The following MYO18A variants were observed in gnomAD, a reference collection of about 807,000 sequenced individuals.
The protein encoded by MYO18A is myosin XVIIIA.
Under a neutral mutation model 235.8 loss-of-function variants are expected in MYO18A, and 78 were observed. The ratio of observed to expected loss-of-function variants is 0.33; its 90% CI spans 0.28 to 0.40. MYO18A has a LOEUF of 0.40. Among genes scored for constraint, MYO18A ranks in the 10% least tolerant of loss-of-function variants. The pLI, the probability that MYO18A is intolerant of heterozygous loss-of-function variation, is 1.00. For synonymous variants in MYO18A, 977 were observed against 1,077.8 expected (o/e 0.91, Z 1.83); for missense variants, 2,215 against 2,699.3 (o/e 0.82, Z 3.98).
chr17:29,099,552 C>T (rs2066605289), intron 22 of MYO18A, 82 bp downstream of exon 22: 10 of 1,523,518 alleles, frequency 6.6e-6, no homozygotes, highest in Non-Finnish European at 8.8e-6. Flanking sequence ...CCTGCCTCTT[C>T]TCCCCCTTAT....
rs1297428702 is a variant in MYO18A at position 29,093,072 on chromosome 17, C to A, written c.4927-71G>T. On this transcript the variant is annotated intron_variant, in intron 32 of 41. Transcript: ENST00000527372. ...TCCTCCTATCTTCCCCAAGCTCCCT[C>A]CTCACCACGTCCTCATTATCAGTGT... 4 of 1,534,566 alleles carry A rather than the reference C, an allele frequency of 2.6e-6. No individual in the cohort carries two copies. In the African/African-American group the frequency reaches 5.5e-5, roughly 21 times the overall value.
At chr17:29,129,357 GC>G (rs1258008032) in intron 2 of MYO18A, among the ~76,000 whole-genome samples, 4 of 152,186 alleles carry the variant, frequency 2.6e-5, no homozygotes, top group African/African-American at 9.7e-5. Context: ...AGTGTGTATA[GC>G]CCTCAAGCAG....
At chr17:29,083,686 G>A (rs551277954) in intron 40 of MYO18A, among the ~76,000 whole-genome samples, 4 of 152,222 alleles carry the variant, frequency 2.6e-5, no homozygotes, top group South Asian at 4.1e-4. Context: ...CTGATGCCCC[G>A]GGTAAACAGG....
At position 29,129,132 on chromosome 17, in the gene MYO18A, T is replaced by C. The variant is rs898865521; in HGVS notation, c.1000-6879A>G. On this transcript the variant is annotated intron_variant, in intron 2 of 41. Coordinates refer to ENST00000527372, the MANE Select transcript of MYO18A (RefSeq NM_078471.4). Reference sequence around the variant, plus strand: ...AGCCTACCCATCCTGAAGGAAAAAATGATCAGGGAGCTCTTCCTGGCCCCA... The same window carrying C: ...AGCCTACCCATCCTGAAGGAAAAAACGATCAGGGAGCTCTTCCTGGCCCCA... 6 of 1,288,864 alleles carry C rather than the reference T, an allele frequency of 4.7e-6. No individual in the cohort carries two copies. The African/African-American group carries it at 7.6e-5, about 16-fold the overall frequency. 79.8% of individuals were successfully genotyped at this position (1,288,864 alleles called of 1,614,324 possible).
chr17:29,128,905 C>T, intron 2 of MYO18A: 5 of 592,338 alleles, frequency 8.4e-6, no homozygotes, highest in South Asian at 4.8e-5. Context: ...GCAACCAAGT[C>T]CCATTCTAGG....
At chr17:29,081,564 T>A (rs1369987084) in intron 41 of MYO18A, among the ~76,000 whole-genome samples, 5 of 132,296 alleles carry the variant, frequency 3.8e-5, no homozygotes, top group African/African-American at 1.4e-4. Flanking sequence ...GGGTGTGTCC[T>A]GGAGGATCAG....
chr17:29,134,087 TGC>T (rs1307071749), intron 2 of MYO18A: 5 of 237,330 alleles, frequency 2.1e-5, no homozygotes, highest in South Asian at 1.8e-4. Flanking sequence ...GGAAGCTGTG[TGC>T]ATTGTTTTTA....
rs1230641296 is a variant in MYO18A, at chr17:29,093,995, C to G, written c.4806G>C (p.Gln1602His). ...GATACCTTACCTTCTTCTGACACGA[C>G]TGCCGGGCCTCCTCCACCTCCTCAT... The part of the protein sequence containing the change: ...SRDEEVEEAR[Q>H]SCQKKLKQME... The change falls in exon 31 of 42, where the codon CAG becomes CAC. Residue 1602 changes from glutamine (Q) to histidine (H), a missense_variant. Gln to His is a conservative substitution (Grantham distance 24, BLOSUM62 0). Coordinates refer to ENST00000527372, the MANE Select transcript of MYO18A (RefSeq NM_078471.4). 6.2e-7 allele frequency: 1 copy of G among 1,609,550 alleles called. No individual in the cohort carries two copies. The highest frequency in any genetic ancestry group is 8.5e-7 in the Non-Finnish European group (1 of 1,178,102).
At chr17:29,090,460 G>A in intron 36 of MYO18A, 72 bp downstream of exon 36, 1 of 1,379,930 alleles carries the variant, frequency 7.2e-7, no homozygotes, top group Non-Finnish European at 1.0e-6. Flanking sequence ...TCTAAACTGT[G>A]AACTTGGGGG....
intron 21 of MYO18A, 110 bp from the exon 22 acceptor site, chr17:29,099,872 G>A: frequency 7.0e-7 from 1 of 1,432,024 alleles, no homozygotes; most frequent in Non-Finnish European, 9.3e-7. Flanking sequence ...TACAGCCCTT[G>A]GCTTGGGAAG....
intron 1 of MYO18A, among the ~76,000 whole-genome samples, chr17:29,169,205 C>T (rs946925473): frequency 4.6e-5 from 7 of 152,034 alleles, no homozygotes; most frequent in Admixed American, 1.3e-4. Flanking sequence ...TGCCCGCCAC[C>T]ACGCCCAGCT....
chr17:29,179,200 G>A (rs765108236), intron 1 of MYO18A, among the ~76,000 whole-genome samples: 103 of 152,238 alleles, frequency 6.8e-4, no homozygotes, highest in Middle Eastern at 3.4e-3. Flanking sequence ...TGCCCCATTG[G>A]CAAAGTGGTC....
intron 20 of MYO18A, among the ~76,000 whole-genome samples, chr17:29,103,957 T>C (rs942040776): frequency 2.0e-5 from 3 of 152,210 alleles, no homozygotes; most frequent in Admixed American, 2.0e-4. Context: ...TGAGAACTTA[T>C]GATACAAGTG....
Position 29,115,450 on chromosome 17 carries a change from C to T in MYO18A, c.2228-9G>A. On this transcript the variant is annotated splice_polypyrimidine_tract_variant and intron_variant, in intron 12 of 41. Transcript: ENST00000527372. The stretch of plus-strand genomic sequence containing the variant: ...TGCACTCAGTTTCGGGCCTGTGGGG[C>T]AGGGGGAGCAGCGCTATCTCCTTCT... The T allele has an allele frequency of 6.2e-7, 1 of 1,612,228 alleles. No individual in the cohort carries two copies. Among genetic ancestry groups the T allele is most frequent in the Non-Finnish European group, 8.5e-7 (1 of 1,179,330 alleles).
chr17:29,098,814 G>GCC lies in MYO18A; in HGVS notation c.3780+11_3780+12insGG. The GCC allele has an allele frequency of 6.2e-7, 1 of 1,613,794 alleles. No individual in the cohort carries two copies. Among genetic ancestry groups the GCC allele is most frequent in the Non-Finnish European group, 8.5e-7 (1 of 1,179,772 alleles). ...CTACCCAGAGACTTGGCCCTCTCAG[G>GCC]CTGTCACATACGTCTTTGTTCCGGA... On this transcript the variant is annotated intron_variant, in intron 23 of 41. Coordinates refer to ENST00000527372, the MANE Select transcript of MYO18A (RefSeq NM_078471.4).
At chr17:29,084,893 C>T (rs2066214532) in intron 40 of MYO18A, among the ~76,000 whole-genome samples, 1 of 152,192 alleles carries the variant, frequency 6.6e-6, no homozygotes, top group Non-Finnish European at 1.5e-5. Context: ...ATCCGCTGTC[C>T]AGCTCCCACC....
At chr17:29,160,562 C>A (rs1014342346) in intron 2 of MYO18A, among the ~76,000 whole-genome samples, 1 of 152,212 alleles carries the variant, frequency 6.6e-6, no homozygotes, top group Non-Finnish European at 1.5e-5. Flanking sequence ...GTCCTTAGGT[C>A]AACTTCATTA....
At chr17:29,088,739 C>T (rs2066320800) in intron 37 of MYO18A, among the ~76,000 whole-genome samples, 1 of 152,128 alleles carries the variant, frequency 6.6e-6, no homozygotes, top group African/African-American at 2.4e-5. Context: ...CTTTGGGAGA[C>T]CGAAAGAAAA....
In MYO18A at chr17:29,072,724, G is replaced by A. The variant is rs1467102767; in HGVS notation, c.*2046C>T. Reference sequence around the variant, plus strand: ...TGACATTATCAGAGCCTCGGCACTTGGGCTGTTTGCTATTTTTTCCCACCC... The same window carrying A: ...TGACATTATCAGAGCCTCGGCACTTAGGCTGTTTGCTATTTTTTCCCACCC... On this transcript the variant is annotated 3_prime_UTR_variant, in exon 42 of 42. Coordinates refer to ENST00000527372, the MANE Select transcript of MYO18A (RefSeq NM_078471.4). 2 of 152,142 alleles carry A rather than the reference G, an allele frequency of 1.3e-5. No homozygotes were observed. The highest frequency in any genetic ancestry group is 4.8e-5 in the African/African-American group (2 of 41,392). 9.4% of individuals were successfully genotyped at this position (152,142 alleles called of 1,614,324 possible). A position where few individuals can be genotyped will look rare whatever the true frequency, so the allele number is the denominator to read the frequency against.
Sources: gnomAD v4.1 joint callset for allele counts (sites outside exome capture counted in the v4.1 genomes callset) on GRCh38, gnomAD v4.1.1 for gene constraint, MANE v1.5 for transcripts, NCBI Gene and HGNC (gene_info 2026-07-23, HGNC 2026-07-21) for gene names.